The following MRTFA variants were observed in gnomAD, a reference collection of about 807,000 sequenced individuals.
MRTFA encodes the protein myocardin-related transcription factor A.
Under a neutral mutation model 83.5 loss-of-function variants are expected in MRTFA, and 20 were observed. The observed-to-expected ratio is 0.24, with a 90% CI of 0.17 to 0.35. MRTFA has a LOEUF of 0.35. Ranked by LOEUF, MRTFA falls within the 10% of genes least tolerant of loss-of-function variation. MRTFA has a pLI of 1.00. For synonymous variants in MRTFA, 659 were observed against 541.2 expected (o/e 1.22, Z -3.02); for missense variants, 1,200 against 1,224.7 (o/e 0.98, Z 0.30).
intron 11 of MRTFA, among the ~76,000 whole-genome samples, chr22:40,420,179 C>A (rs1488147699): frequency 6.6e-6 from 1 of 152,206 alleles, no homozygotes; most frequent in Admixed American, 6.5e-5. Context: ...ACAACAGGAA[C>A]CACCACGAGG....
intron 3 of MRTFA, 187 bp from the exon 4 acceptor site, chr22:40,463,473 G>A: frequency 3.6e-6 from 2 of 554,764 alleles, no homozygotes; most frequent in South Asian, 4.6e-5. Context: ...GTATTCTGCT[G>A]TGGGCGGTGA....
At chr22:40,624,558 G>A (rs934995359) in intron 1 of MRTFA, among the ~76,000 whole-genome samples, 1 of 152,092 alleles carries the variant, frequency 6.6e-6, no homozygotes, top group Non-Finnish European at 1.5e-5. Flanking sequence ...AAACAGTAGG[G>A]AAACCAAATA....
At chr22:40,490,998 C>T (rs1308308436) in intron 3 of MRTFA, among the ~76,000 whole-genome samples, 3 of 150,878 alleles carry the variant, frequency 2.0e-5, no homozygotes, top group Non-Finnish European at 3.0e-5. Flanking sequence ...TTCTAAATAA[C>T]TCAAATGTGT....
At chr22:40,463,627 G>A (rs575941622) in intron 3 of MRTFA, among the ~76,000 whole-genome samples, 41 of 152,146 alleles carry the variant, frequency 2.7e-4, no homozygotes, top group African/African-American at 8.7e-4. Context: ...ATATCCTAAC[G>A]AGGACCACCA....
chr22:40,411,236 G>C lies in MRTFA; in HGVS notation c.*154C>G. Reference sequence around the variant, plus strand: ...GCGTGGCACTGAACCAGGAGTAAGGGCTTCTCTGTTCTAGCCTCCCAGGGA... The same window carrying C: ...GCGTGGCACTGAACCAGGAGTAAGGCCTTCTCTGTTCTAGCCTCCCAGGGA... On this transcript the variant is annotated 3_prime_UTR_variant, in exon 15 of 15. Transcript: ENST00000355630. 1 of 789,640 alleles carries C rather than the reference G, an allele frequency of 1.3e-6. No homozygotes were observed. The highest frequency in any genetic ancestry group is 2.9e-5 in the Admixed American group (1 of 34,022). The allele number at this position is 789,640 out of a possible 1,614,324, so 48.9% of individuals were successfully genotyped here.
Position 40,410,340 on chromosome 22 carries a change from C to CCCAGCACTGGTTTTG in MRTFA, c.*1035_*1049dup. 3.2e-6 allele frequency: 1 copy of CCCAGCACTGGTTTTG among 312,616 alleles called. No individual in the cohort carries two copies. Among genetic ancestry groups the CCCAGCACTGGTTTTG allele is most frequent in the Non-Finnish European group, 5.2e-6 (1 of 191,258 alleles). The allele number at this position is 312,616 out of a possible 1,614,324, so 19.4% of individuals were successfully genotyped here. ...GTTCACACACCTTCCCCATCTTTGT[C>CCCAGCACTGGTTTTG]CCAGCACTGGTTTTGGTGACTCCAC... On this transcript the variant is annotated 3_prime_UTR_variant, in exon 15 of 15. Coordinates refer to ENST00000355630, the MANE Select transcript of MRTFA (RefSeq NM_020831.6).
chr22:40,625,449 C>A (rs541929452), intron 1 of MRTFA, among the ~76,000 whole-genome samples: 3,766 of 137,480 alleles, frequency 0.027, 90 homozygotes, highest in Middle Eastern at 0.069. Context: ...GGCCCTCTCT[C>A]TAAATAAATA....
chr22:40,585,672 G>T (rs1300635618), intron 2 of MRTFA, among the ~76,000 whole-genome samples: 1 of 152,214 alleles, frequency 6.6e-6, no homozygotes. Context: ...ACAGCTAAAA[G>T]AACAGAGCTA....
chr22:40,570,577 C>CAAAAAAAA (rs894548892), intron 2 of MRTFA, among the ~76,000 whole-genome samples: 4 of 23,154 alleles, frequency 1.7e-4, no homozygotes, highest in Non-Finnish European at 3.0e-4. Context: ...GACTCTGTCT[C>CAAAAAAAA]AAAAAAAAAA....
chr22:40,457,479 AAAGAAAGAAGGAAAG>A (rs2053613645), intron 4 of MRTFA, among the ~76,000 whole-genome samples: 3 of 140,156 alleles, frequency 2.1e-5, no homozygotes, highest in Non-Finnish European at 4.8e-5. Context: ...AGAAAGAAAG[AAAGAAAGAAGGAAAG>A]AAAGAAAGAG....
intron 12 of MRTFA, among the ~76,000 whole-genome samples, chr22:40,417,987 G>A (rs978795198): frequency 6.6e-6 from 1 of 152,140 alleles, no homozygotes; most frequent in African/African-American, 2.4e-5. Flanking sequence ...AGAGGACCCT[G>A]AGCTGGATCC....
At chr22:40,570,961 G>T (rs1338824869) in intron 2 of MRTFA, among the ~76,000 whole-genome samples, 2 of 141,448 alleles carry the variant, frequency 1.4e-5, no homozygotes, top group African/African-American at 5.2e-5. Context: ...AGGCCGATGT[G>T]AGTGGATTGC....
chr22:40,538,709 G>A (rs1338609965), intron 3 of MRTFA, among the ~76,000 whole-genome samples: 2 of 152,048 alleles, frequency 1.3e-5, no homozygotes, highest in African/African-American at 4.8e-5. Context: ...AATTCTAAAA[G>A]TCTGAACCCC....
chr22:40,488,934 C>T (rs890847920), intron 3 of MRTFA, among the ~76,000 whole-genome samples: 1 of 151,976 alleles, frequency 6.6e-6, no homozygotes, highest in Non-Finnish European at 1.5e-5. Context: ...TATATCAATA[C>T]CAATACTGAT....
At chr22:40,429,435 T>C (rs745917132) in intron 7 of MRTFA, 171 bp downstream of exon 7, 1 of 768,520 alleles carries the variant, frequency 1.3e-6, no homozygotes, top group South Asian at 1.5e-5. Context: ...CCCAAGTTCA[T>C]ACAACCTGTG....
intron 3 of MRTFA, among the ~76,000 whole-genome samples, chr22:40,506,183 G>A (rs939353148): frequency 1.3e-5 from 2 of 152,120 alleles, no homozygotes; most frequent in Non-Finnish European, 2.9e-5. Flanking sequence ...GCAGTGAGCC[G>A]AGATTGTGCC....
intron 2 of MRTFA, among the ~76,000 whole-genome samples, chr22:40,571,326 A>G (rs2055789813): frequency 6.6e-6 from 1 of 152,234 alleles, no homozygotes; most frequent in Admixed American, 6.5e-5. Flanking sequence ...CTCTTACAAG[A>G]AAATACAGGT....
chr22:40,446,748 G>A (rs2053385685), intron 4 of MRTFA, among the ~76,000 whole-genome samples: 1 of 152,214 alleles, frequency 6.6e-6, no homozygotes, highest in African/African-American at 2.4e-5. Flanking sequence ...AGATTAAAGA[G>A]TGAATAAGAA....
At chr22:40,459,852 T>TA in intron 4 of MRTFA, among the ~76,000 whole-genome samples, 3 of 140,354 alleles carry the variant, frequency 2.1e-5, no homozygotes, top group African/African-American at 8.0e-5. Context: ...TATATATATA[T>TA]ATATATATAT....
Sources: allele counts gnomAD v4.1 joint callset (sites outside exome capture counted in the v4.1 genomes callset), GRCh38; gene constraint gnomAD v4.1.1; transcripts MANE v1.5; gene names NCBI Gene and HGNC (gene_info 2026-07-23, HGNC 2026-07-21).